GRIA1: variants seen among roughly 807,000 people sequenced by gnomAD.
The protein encoded by GRIA1 is glutamate ionotropic receptor AMPA type subunit 1, also known as glutamate receptor 1.
GRIA1 carries 31 observed loss-of-function variants against 99.2 expected under a neutral mutation model. The ratio of observed to expected loss-of-function variants is 0.31; its 90% confidence interval spans 0.23 to 0.42. The LOEUF (loss-of-function observed/expected upper bound fraction) is 0.42. Ranked by LOEUF, GRIA1 falls within the 10% of genes least tolerant of loss-of-function variation. The pLI is 1.00. For missense variants in GRIA1, 782 were observed against 1,157.5 expected, an observed-to-expected ratio of 0.68 and a Z score of 4.71; for synonymous variants, 438 against 432.4, an observed-to-expected ratio of 1.01 and a Z score of -0.16.
At chr5:153,790,295 G>C (rs1765218677) in intron 13 of GRIA1, among the ~76,000 whole-genome samples, 1 of 152,012 alleles carries the variant, frequency 6.6e-6, no homozygotes, top group Admixed American at 6.5e-5. Flanking sequence ...ATTTTTTCGA[G>C]ACAAAAAATG....
chr5:153,559,902 A>G (rs1394727831), intron 2 of GRIA1, among the ~76,000 whole-genome samples: 1 of 152,020 alleles, frequency 6.6e-6, no homozygotes, highest in Non-Finnish European at 1.5e-5. Flanking sequence ...GTGCACTCCA[A>G]CCCCACTCAC....
At chr5:153,578,148 C>CAAAAAAAAAAAAAAAAAAAAAAAAAAA (rs60901793) in intron 2 of GRIA1, among the ~76,000 whole-genome samples, 3 of 69,312 alleles carry the variant, frequency 4.3e-5, no homozygotes, top group South Asian at 5.4e-4. Context: ...GAGACTCTGT[C>CAAAAAAAAAAAAAAAAAAAAAAAAAAA]AAAAAAAAAA....
chr5:153,755,095 A>G (rs1762741002), intron 11 of GRIA1, among the ~76,000 whole-genome samples: 1 of 152,204 alleles, frequency 6.6e-6, no homozygotes, highest in South Asian at 2.1e-4. Flanking sequence ...GAGCAGTATG[A>G]CCAGAGTACA....
upstream of GRIA1, among the ~76,000 whole-genome samples, chr5:153,490,034 G>T (rs569672666): frequency 3.0e-3 from 455 of 150,108 alleles, 2 homozygotes; most frequent in African/African-American, 0.01. Context: ...ATCCTCCCTT[G>T]TTTGTCTATC....
chr5:153,771,742 GA>G (rs1403288322), intron 13 of GRIA1, among the ~76,000 whole-genome samples: 1 of 152,062 alleles, frequency 6.6e-6, no homozygotes, highest in Non-Finnish European at 1.5e-5. Context: ...GGATCAAAAA[GA>G]AAAAACAAAT....
intron 2 of GRIA1, among the ~76,000 whole-genome samples, chr5:153,559,022 T>A (rs1208288196): frequency 2.6e-5 from 4 of 152,158 alleles, no homozygotes; most frequent in East Asian, 1.9e-4. Flanking sequence ...CCCACCTTAG[T>A]CTAGTCTTTC....
At chr5:153,508,058 G>A (rs1755710561) in intron 2 of GRIA1, among the ~76,000 whole-genome samples, 1 of 152,092 alleles carries the variant, frequency 6.6e-6, no homozygotes, top group Non-Finnish European at 1.5e-5. Flanking sequence ...TTACGTCCTG[G>A]GAAACAAATA....
chr5:153,590,224 CG>C (rs1369761224), intron 2 of GRIA1, among the ~76,000 whole-genome samples: 2 of 146,076 alleles, frequency 1.4e-5, no homozygotes, highest in African/African-American at 2.4e-5. Context: ...TACATCAGTT[CG>C]AAAAAATTGC....
At chr5:153,629,861 G>A (rs1352744318) in intron 2 of GRIA1, among the ~76,000 whole-genome samples, 1 of 152,192 alleles carries the variant, frequency 6.6e-6, no homozygotes, top group Non-Finnish European at 1.5e-5. Context: ...GCATTGGAAT[G>A]ACCCTCTTAG....
intron 2 of GRIA1, among the ~76,000 whole-genome samples, chr5:153,615,275 A>G (rs981933082): frequency 1.8e-4 from 28 of 152,218 alleles, no homozygotes; most frequent in Admixed American, 1.3e-4. Context: ...ACAAGGCACA[A>G]AAGTAAAATG....
intron 2 of GRIA1, among the ~76,000 whole-genome samples, chr5:153,540,827 T>C (rs1163692613): frequency 6.6e-6 from 1 of 152,098 alleles, no homozygotes; most frequent in African/African-American, 2.4e-5. Context: ...CCTACAAATA[T>C]TGTGGTAATG....
chr5:153,598,731 C>T (rs1256715118), intron 2 of GRIA1, among the ~76,000 whole-genome samples: 1 of 152,076 alleles, frequency 6.6e-6, no homozygotes, highest in Non-Finnish European at 1.5e-5. Context: ...ATGATATGGT[C>T]CACTGAAAAT....
chr5:153,715,093 C>T (rs1176394267), intron 11 of GRIA1, among the ~76,000 whole-genome samples: 1 of 152,210 alleles, frequency 6.6e-6, no homozygotes, highest in African/African-American at 2.4e-5. Flanking sequence ...TCAGCTACTA[C>T]TAACCCACTG....
intron 2 of GRIA1, among the ~76,000 whole-genome samples, chr5:153,548,003 A>G (rs1242433047): frequency 6.6e-6 from 1 of 152,140 alleles, no homozygotes; most frequent in East Asian, 1.9e-4. Context: ...TTATTGTGAC[A>G]TTGTCTTTTG....
chr5:153,568,937 T>G (rs1267111039), intron 2 of GRIA1, among the ~76,000 whole-genome samples: 2 of 152,228 alleles, frequency 1.3e-5, no homozygotes, highest in African/African-American at 2.4e-5. Flanking sequence ...CACCCTGGAA[T>G]GCCCTTTCCC....
intron 11 of GRIA1, among the ~76,000 whole-genome samples, chr5:153,730,036 A>C (rs1760893733): frequency 1.3e-5 from 2 of 152,130 alleles, no homozygotes; most frequent in Non-Finnish European, 2.9e-5. Flanking sequence ...TCTTATCCCT[A>C]TTCTTGCAGC....
At chr5:153,682,036 C>CA (rs11351483) in intron 7 of GRIA1, among the ~76,000 whole-genome samples, 7,048 of 133,586 alleles carry the variant, frequency 0.053, 205 homozygotes, top group Middle Eastern at 0.13. Context: ...GAGACTATGT[C>CA]AAAAAAAAAA....
intron 2 of GRIA1, among the ~76,000 whole-genome samples, chr5:153,600,391 CAAAAAAAA>C (rs57395601): frequency 3.1e-4 from 16 of 51,502 alleles, no homozygotes; most frequent in South Asian, 2.4e-3. Flanking sequence ...GACTCCATCT[CAAAAAAAA>C]AAAAAAAAAA....
At chr5:153,764,749 A>T (rs1763401386) in intron 12 of GRIA1, 117 bp downstream of exon 12, 1 of 701,054 alleles carries the variant, frequency 1.4e-6, no homozygotes, top group East Asian at 2.7e-5. Flanking sequence ...TGCTTAACTG[A>T]CTGTAAGTCA....
Sources: allele counts gnomAD v4.1 joint callset (sites outside exome capture counted in the v4.1 genomes callset), GRCh38; gene constraint gnomAD v4.1.1; transcripts MANE v1.5; gene names NCBI Gene and HGNC (gene_info 2026-07-23, HGNC 2026-07-21).